NETO1: variants seen among roughly 807,000 people sequenced by gnomAD.
NETO1 encodes the protein neuropilin and tolloid like 1, also known as neuropilin and tolloid-like protein 1.
A neutral mutation model predicts 61.3 loss-of-function variants in NETO1; 26 were observed. That is an observed-to-expected ratio of 0.42 (90% CI 0.31 to 0.59). The LOEUF (loss-of-function observed/expected upper bound fraction) is 0.59. Ranked by LOEUF, NETO1 falls within the 20% of genes least tolerant of loss-of-function variation. The pLI, the probability that NETO1 is intolerant of heterozygous loss-of-function variation, is 0.12. For missense variants in NETO1, 531 were observed against 662.8 expected, an observed-to-expected ratio of 0.80 and a Z score of 2.18; for synonymous variants, 225 against 225.8, an observed-to-expected ratio of 1.00 and a Z score of 0.03.
At chr18:72,819,662 T>C (rs116710998) in intron 4 of NETO1, among the ~76,000 whole-genome samples, 1 of 152,250 alleles carries the variant, frequency 6.6e-6, no homozygotes, top group East Asian at 1.9e-4. Flanking sequence ...AATTTGCATG[T>C]TTAAAATTCT....
chr18:72,796,511 T>C (rs1375487988), intron 4 of NETO1, among the ~76,000 whole-genome samples: 2 of 152,236 alleles, frequency 1.3e-5, no homozygotes, highest in East Asian at 3.8e-4. Context: ...AGACGGAGTC[T>C]GGCTCTGTCG....
At position 72,820,697 on chromosome 18, in the gene NETO1, G is replaced by A. The variant is rs78213558; in HGVS notation, c.470-26293C>T. Among the ~76,000 whole-genome samples the A allele has an allele frequency of 3.4e-3, 511 of 152,240 alleles. 25 individuals are homozygous for A. In the East Asian group the frequency reaches 0.084, roughly 25 times the overall value. ...GTGGTCCTCTCTAACGAGGATGAGC[G>A]GCATCCATTCAACTGAAGACTTGGA... On this transcript the variant is annotated intron_variant, in intron 4 of 10. Transcript: ENST00000327305.
At chr18:72,793,511 T>C (rs2072205957) in intron 6 of NETO1, among the ~76,000 whole-genome samples, 1 of 152,190 alleles carries the variant, frequency 6.6e-6, no homozygotes, top group African/African-American at 2.4e-5. Flanking sequence ...GTGATCAACA[T>C]AAAATCTAGA....
intron 4 of NETO1, among the ~76,000 whole-genome samples, chr18:72,838,351 T>C (rs1344159279): frequency 6.6e-6 from 1 of 152,214 alleles, no homozygotes; most frequent in Non-Finnish European, 1.5e-5. Context: ...TCCTGACCAA[T>C]TCTCTTTGAC....
intron 6 of NETO1, among the ~76,000 whole-genome samples, chr18:72,788,007 C>G (rs2071980336): frequency 6.6e-6 from 1 of 152,080 alleles, no homozygotes; most frequent in Non-Finnish European, 1.5e-5. Context: ...AAATAAATGG[C>G]TGTTTTAAAT....
In NETO1 at chr18:72,745,539, AT is replaced by A. The variant is rs1238470525; in HGVS notation, c.*2639del. The A allele has an allele frequency of 2.0e-5, 3 of 152,256 alleles. No individual in the cohort carries two copies. Among genetic ancestry groups the A allele is most frequent in the African/African-American group, 4.8e-5 (2 of 41,468 alleles). The allele number at this position is 152,256 out of a possible 1,614,324, so 9.4% of individuals were successfully genotyped here. A position where few individuals can be genotyped will look rare whatever the true frequency, so the allele number is the denominator to read the frequency against. ...ATATTTGAATTCACTTTATCAAAAA[AT>A]ATAATCATTTATTAAAATAACATGT... On this transcript the variant is annotated 3_prime_UTR_variant, in exon 11 of 11. Coordinates refer to ENST00000327305, the MANE Select transcript of NETO1 (RefSeq NM_138966.5).
intron 1 of NETO1, chr18:72,865,598 C>G (rs2074710835): frequency 2.5e-6 from 4 of 1,606,410 alleles, no homozygotes. Flanking sequence ...CTGCCAGCAT[C>G]TCTGAATGAA....
At chr18:72,773,028 A>G (rs1416656539) in intron 7 of NETO1, among the ~76,000 whole-genome samples, 2 of 151,402 alleles carry the variant, frequency 1.3e-5, no homozygotes, top group African/African-American at 4.9e-5. Context: ...CATAGCCTAT[A>G]TTTAGCCTAT....
chr18:72,830,086 G>A lies in NETO1; in HGVS notation c.469+28740C>T, dbSNP rs2073524473. Among the ~76,000 whole-genome samples, 1 of 152,128 alleles carries A rather than the reference G, an allele frequency of 6.6e-6. No individual in the cohort carries two copies. Among genetic ancestry groups the A allele is most frequent in the African/African-American group, 2.4e-5 (1 of 41,414 alleles). On this transcript the variant is annotated intron_variant, in intron 4 of 10. Transcript: ENST00000327305. This position sits in a 1 kb window ranked among gnomAD's most constrained non-coding sequence, Gnocchi z 4.9. ...TGTCTGTGAGATTGCCTCAATTCAG[G>A]CCCACATCTACCTATGTGGCTGAAA...
chr18:72,754,373 A>G (rs1006984631), intron 8 of NETO1, among the ~76,000 whole-genome samples: 1 of 152,130 alleles, frequency 6.6e-6, no homozygotes, highest in African/African-American at 2.4e-5. Context: ...AAAGAACCCA[A>G]TGTAAAGGCA....
chr18:72,852,990 G>A (rs532487146), intron 4 of NETO1, among the ~76,000 whole-genome samples: 1 of 151,472 alleles, frequency 6.6e-6, no homozygotes, highest in African/African-American at 2.4e-5. Flanking sequence ...CTGCCACCAC[G>A]CCCGACTAAT....
At chr18:72,827,068 G>A (rs1464810934) in intron 4 of NETO1, among the ~76,000 whole-genome samples, 4 of 144,548 alleles carry the variant, frequency 2.8e-5, no homozygotes, top group African/African-American at 1.0e-4. Flanking sequence ...CCAGAGAACC[G>A]CCCAGCCATA....
intron 7 of NETO1, among the ~76,000 whole-genome samples, chr18:72,768,437 AT>A (rs1158117066): frequency 6.6e-6 from 1 of 152,196 alleles, no homozygotes; most frequent in African/African-American, 2.4e-5. Context: ...CATCAGCTTA[AT>A]ACAAACAAGC....
At chr18:72,852,793 G>A (rs541304032) in intron 4 of NETO1, among the ~76,000 whole-genome samples, 2 of 150,434 alleles carry the variant, frequency 1.3e-5, no homozygotes, top group Non-Finnish European at 3.0e-5. Context: ...TGAATATCTT[G>A]ATTATTCAAA....
intron 1 of NETO1, chr18:72,866,818 G>A (rs1301465627): frequency 1.0e-6 from 1 of 1,002,824 alleles, no homozygotes; most frequent in Admixed American, 6.0e-5. Flanking sequence ...CTCCAGCGCT[G>A]GCTTCAGGTG....
chr18:72,833,942 C>T (rs1047626157), intron 4 of NETO1: 4 of 190,252 alleles, frequency 2.1e-5, no homozygotes, highest in African/African-American at 7.1e-5. Context: ...TTCACACTTA[C>T]GACTTCCACC....
At chr18:72,785,925 C>A (rs1292083124) in intron 6 of NETO1, among the ~76,000 whole-genome samples, 1 of 152,122 alleles carries the variant, frequency 6.6e-6, no homozygotes, top group African/African-American at 2.4e-5. Context: ...TCTACAGCCT[C>A]CATGTGATTT....
At chr18:72,781,767 A>G (rs758884965) in intron 7 of NETO1, among the ~76,000 whole-genome samples, 10 of 152,224 alleles carry the variant, frequency 6.6e-5, no homozygotes, top group Non-Finnish European at 1.3e-4. Context: ...GAAATTTCAA[A>G]AATATTGTAT....
chr18:72,760,683 A>G (rs1274064990), intron 7 of NETO1, among the ~76,000 whole-genome samples: 1 of 152,170 alleles, frequency 6.6e-6, no homozygotes, highest in Non-Finnish European at 1.5e-5. Context: ...GATAAAGATA[A>G]TACTTACCCA....
Sources: gnomAD v4.1 joint callset for allele counts (sites outside exome capture counted in the v4.1 genomes callset) on GRCh38, gnomAD v4.1.1 for gene constraint, Gnocchi (gnomAD v3.1) non-coding constraint, MANE v1.5 for transcripts, NCBI Gene and HGNC (gene_info 2026-07-23, HGNC 2026-07-21) for gene names.